FGF7: variants seen among roughly 807,000 people sequenced by gnomAD.
FGF7 encodes the protein fibroblast growth factor 7.
A neutral mutation model predicts 20.5 loss-of-function variants in FGF7; 6 were observed. That is an observed-to-expected ratio of 0.29 (90% confidence interval 0.16 to 0.58). FGF7 has a LOEUF of 0.58. FGF7 is among the 20% of genes least tolerant of loss of function. The pLI is 0.90. For synonymous variants in FGF7, 64 were observed against 74.7 expected (o/e 0.86, Z 0.74); for missense variants, 144 against 228.8 (o/e 0.63, Z 2.39).
At chr15:49,452,272 C>T (rs554105917) in intron 2 of FGF7, among the ~76,000 whole-genome samples, 9 of 152,152 alleles carry the variant, frequency 5.9e-5, no homozygotes, top group East Asian at 1.9e-4. Flanking sequence ...AGGATGGTCT[C>T]GAACTCCTGA....
At chr15:49,427,297 T>C (rs2050212779) in intron 2 of FGF7, among the ~76,000 whole-genome samples, 1 of 152,044 alleles carries the variant, frequency 6.6e-6, no homozygotes, top group African/African-American at 2.4e-5. Flanking sequence ...TCCTCAATCA[T>C]TAATTGAATG....
chr15:49,429,158 C>T (rs1337473628), intron 2 of FGF7, among the ~76,000 whole-genome samples: 2 of 152,028 alleles, frequency 1.3e-5, no homozygotes, highest in South Asian at 2.1e-4. Flanking sequence ...GTAAGGACAA[C>T]CCCTGCCTTT....
At position 49,424,172 on chromosome 15, in the gene FGF7, C is replaced by A; in HGVS notation, c.-126C>A. On this transcript the variant is annotated 5_prime_UTR_variant, in exon 2 of 4. Coordinates refer to ENST00000267843, the MANE Select transcript of FGF7 (RefSeq NM_002009.4). ...GATAAGGCTAACAATTTGGAAAGAG[C>A]AACTACTCTTTCTTAAATCAATCTA... 2 of 812,774 alleles carry A rather than the reference C, an allele frequency of 2.5e-6. No individual in the cohort carries two copies. Among genetic ancestry groups the A allele is most frequent in the Non-Finnish European group, 3.9e-6 (2 of 511,654 alleles). The allele number at this position is 812,774 out of a possible 1,614,324, so 50.3% of individuals were successfully genotyped here. A position where few individuals can be genotyped will look rare whatever the true frequency, so the allele number is the denominator to read the frequency against.
intron 2 of FGF7, among the ~76,000 whole-genome samples, chr15:49,480,474 ATTTTTT>A (rs35283556): frequency 3.0e-5 from 3 of 100,918 alleles, no homozygotes; most frequent in African/African-American, 8.1e-5. Context: ...TGCCCAACTA[ATTTTTT>A]TTTTTTTTTT....
intron 2 of FGF7, among the ~76,000 whole-genome samples, chr15:49,427,326 T>C (rs1285809465): frequency 6.6e-6 from 1 of 152,030 alleles, no homozygotes; most frequent in African/African-American, 2.4e-5. Flanking sequence ...AATAAATGAA[T>C]GAAAGAATGT....
intron 2 of FGF7, among the ~76,000 whole-genome samples, chr15:49,428,098 T>C (rs2050279627): frequency 6.6e-6 from 1 of 151,788 alleles, no homozygotes; most frequent in Non-Finnish European, 1.5e-5. Context: ...ACTATGAAGA[T>C]GGGGGAATTC....
intron 2 of FGF7, among the ~76,000 whole-genome samples, chr15:49,470,965 T>G (rs1412654464): frequency 6.6e-6 from 1 of 152,228 alleles, no homozygotes; most frequent in African/African-American, 2.4e-5. Context: ...ATATTTGTTG[T>G]GTTTGTTCCA....
rs531547965 is a variant in FGF7 at position 49,485,689 on chromosome 15, T to C, written c.*1185T>C. On this transcript the variant is annotated 3_prime_UTR_variant, in exon 4 of 4. Transcript: ENST00000267843. ...TGTCTCACACAGAACAATACAAATA[T>C]GTAAAAAATCTTTCACCACATATTC... 1.3e-5 allele frequency: 2 copies of C among 152,448 alleles called. No individual in the cohort carries two copies. Among genetic ancestry groups the C allele is most frequent in the African/African-American group, 2.4e-5 (1 of 41,400 alleles). The allele number at this position is 152,448 out of a possible 1,614,324, so 9.4% of individuals were successfully genotyped here.
intron 2 of FGF7, among the ~76,000 whole-genome samples, chr15:49,463,427 G>T (rs372719286): frequency 6.6e-6 from 1 of 151,730 alleles, no homozygotes; most frequent in Non-Finnish European, 1.5e-5. Flanking sequence ...GGTGATGGGC[G>T]CCTGTAATCC....
At position 49,488,048 on chromosome 15, in the gene FGF7, A is replaced by C. The variant is rs1047097041; in HGVS notation, c.*3544A>C. The C allele has an allele frequency of 2.6e-5, 4 of 152,122 alleles. No individual in the cohort carries two copies. Among genetic ancestry groups the C allele is most frequent in the African/African-American group, 9.6e-5 (4 of 41,554 alleles). 9.4% of individuals were successfully genotyped at this position (152,122 alleles called of 1,614,324 possible). On this transcript the variant is annotated 3_prime_UTR_variant, in exon 4 of 4. Coordinates refer to ENST00000267843, the MANE Select transcript of FGF7 (RefSeq NM_002009.4). ...AGGAGTGATAACAAAAATATTTAAC[A>C]GTCAGTATGGGTGATTACTGGCCAA...
chr15:49,427,743 C>T (rs1404542066), intron 2 of FGF7, among the ~76,000 whole-genome samples: 1 of 151,776 alleles, frequency 6.6e-6, no homozygotes, highest in East Asian at 1.9e-4. Context: ...TTTTAAGATA[C>T]TAGTAAATAT....
chr15:49,471,484 AAATAATAATAATAATAATAATAATAAT>A (rs201297260), intron 2 of FGF7, among the ~76,000 whole-genome samples: 4 of 137,860 alleles, frequency 2.9e-5, no homozygotes, highest in Non-Finnish European at 6.2e-5. Context: ...CTCTATCTCA[AAATAATAATAATAATAATAATAATAAT>A]AATAATAATA....
chr15:49,473,534 A>C (rs1359544765), intron 2 of FGF7, among the ~76,000 whole-genome samples: 1 of 152,168 alleles, frequency 6.6e-6, no homozygotes, highest in African/African-American at 2.4e-5. Flanking sequence ...ATACTTGTTA[A>C]ATAACTTGTA....
intron 2 of FGF7, among the ~76,000 whole-genome samples, chr15:49,469,208 G>C (rs187518921): frequency 2.6e-4 from 40 of 152,134 alleles, no homozygotes; most frequent in Non-Finnish European, 4.9e-4. Flanking sequence ...TATAACAGTT[G>C]ATATAAAATT....
At chr15:49,466,765 G>C (rs909213309) in intron 2 of FGF7, among the ~76,000 whole-genome samples, 1 of 152,156 alleles carries the variant, frequency 6.6e-6, no homozygotes, top group African/African-American at 2.4e-5. Context: ...ATTGTTTCTG[G>C]TAAGAGCTTG....
chr15:49,477,497 T>G (rs891923286), intron 2 of FGF7, among the ~76,000 whole-genome samples: 1 of 152,230 alleles, frequency 6.6e-6, no homozygotes, highest in African/African-American at 2.4e-5. Context: ...CCTTGTCTTT[T>G]TGTGGCTTCA....
At chr15:49,454,991 G>A (rs1259961565) in intron 2 of FGF7, among the ~76,000 whole-genome samples, 2 of 152,114 alleles carry the variant, frequency 1.3e-5, no homozygotes, top group African/African-American at 4.8e-5. Flanking sequence ...TAGTGAGGTG[G>A]GATGGAAAAC....
chr15:49,461,022 C>G (rs769481047), intron 2 of FGF7, among the ~76,000 whole-genome samples: 5 of 152,128 alleles, frequency 3.3e-5, no homozygotes, highest in Non-Finnish European at 5.9e-5. Context: ...GTGGGGCCAG[C>G]CTTCCCCTGA....
In FGF7 at chr15:49,487,466, T is replaced by A. The variant is rs571191920; in HGVS notation, c.*2962T>A. On this transcript the variant is annotated 3_prime_UTR_variant, in exon 4 of 4. Transcript: ENST00000267843. ...AACCATAGTATAAATTGTCAGCCTTTGAGTTGGCTACAAATTCAATTTAAT... is the reference window on the plus strand; with the variant it reads ...AACCATAGTATAAATTGTCAGCCTTAGAGTTGGCTACAAATTCAATTTAAT... The A allele has an allele frequency of 1.6e-4, 24 of 152,024 alleles. No homozygotes were observed. The highest frequency in any genetic ancestry group is 5.8e-4 in the African/African-American group (24 of 41,524). The allele number at this position is 152,024 out of a possible 1,614,324, so 9.4% of individuals were successfully genotyped here.
Sources: gnomAD v4.1 joint callset for allele counts (sites outside exome capture counted in the v4.1 genomes callset) on GRCh38, gnomAD v4.1.1 for gene constraint, MANE v1.5 for transcripts, NCBI Gene and HGNC (gene_info 2026-07-23, HGNC 2026-07-21) for gene names.